CACNA1C: variants seen among roughly 807,000 people sequenced by gnomAD.
The protein encoded by CACNA1C is calcium voltage-gated channel subunit alpha1 C.
In CACNA1C, 30 loss-of-function variants were observed where a neutral mutation model predicts 229.0. The ratio of observed to expected loss-of-function variants is 0.13; its 90% CI spans 0.10 to 0.18. The LOEUF is 0.18. CACNA1C is among the 10% of genes least tolerant of loss of function. The probability of loss-of-function intolerance (pLI) is 1.00; values close to 1 mark genes in which losing one functional copy is unlikely to be tolerated. For synonymous variants in CACNA1C, 1,114 were observed against 1,132.5 expected, an observed-to-expected ratio of 0.98 and a Z score of 0.33; for missense variants, 1,658 against 2,845.0, an observed-to-expected ratio of 0.58 and a Z score of 9.49.
At chr12:2,431,661 A>G (rs769589218) in intron 3 of CACNA1C, among the ~76,000 whole-genome samples, 4 of 152,214 alleles carry the variant, frequency 2.6e-5, no homozygotes, top group Admixed American at 2.0e-4. Flanking sequence ...GATCATCTAC[A>G]TAAAACATTA....
chr12:2,638,670 C>T (rs577708932), intron 30 of CACNA1C, among the ~76,000 whole-genome samples: 28 of 152,130 alleles, frequency 1.8e-4, no homozygotes, highest in South Asian at 6.2e-4. Context: ...ATGGCCAGCC[C>T]GTCACTCTGT....
At chr12:2,372,950 G>A (rs960875221) in intron 3 of CACNA1C, among the ~76,000 whole-genome samples, 11 of 152,370 alleles carry the variant, frequency 7.2e-5, no homozygotes, top group African/African-American at 1.9e-4. Context: ...GTCCGGTGCC[G>A]AGAAGCTCCT....
At chr12:2,235,947 C>G (rs893653958) in intron 3 of CACNA1C, among the ~76,000 whole-genome samples, 1 of 152,188 alleles carries the variant, frequency 6.6e-6, no homozygotes, top group African/African-American at 2.4e-5. Flanking sequence ...CAGGACATCA[C>G]AGATAGGCAT....
At chr12:2,509,583 G>T (rs939601407) in intron 8 of CACNA1C, among the ~76,000 whole-genome samples, 2 of 152,160 alleles carry the variant, frequency 1.3e-5, no homozygotes, top group East Asian at 3.8e-4. Flanking sequence ...ACCGTAACTC[G>T]CACCTGCGTG....
intron 3 of CACNA1C, among the ~76,000 whole-genome samples, chr12:2,442,176 G>A (rs567509146): frequency 6.6e-6 from 1 of 152,158 alleles, no homozygotes; most frequent in African/African-American, 2.4e-5. Context: ...AGCTTATAAT[G>A]TAGTTGAAAA....
At chr12:2,042,299 G>T (rs911397261) in intron 1 of CACNA1C, among the ~76,000 whole-genome samples, 2 of 151,870 alleles carry the variant, frequency 1.3e-5, no homozygotes, top group Middle Eastern at 3.4e-3. Context: ...AACAAAAAGA[G>T]GCTTATAAAT....
intron 34 of CACNA1C, among the ~76,000 whole-genome samples, chr12:2,655,584 C>T (rs1308101566): frequency 6.6e-6 from 1 of 152,210 alleles, no homozygotes; most frequent in Non-Finnish European, 1.5e-5. Flanking sequence ...CTTCTCTGAA[C>T]CTCAGTTTTC....
At chr12:2,007,647 A>G (rs893169906) in intron 1 of CACNA1C, among the ~76,000 whole-genome samples, 10 of 152,236 alleles carry the variant, frequency 6.6e-5, no homozygotes, top group African/African-American at 2.4e-4. Context: ...TATGACCCTT[A>G]GTAGAGAAGA....
intron 3 of CACNA1C, among the ~76,000 whole-genome samples, chr12:2,390,809 G>A (rs534760946): frequency 4.6e-5 from 7 of 152,324 alleles, no homozygotes; most frequent in African/African-American, 1.7e-4. Flanking sequence ...ACCTTCTGGA[G>A]GCATCATTCA....
chr12:2,340,807 A>C (rs1025589550), intron 3 of CACNA1C, among the ~76,000 whole-genome samples: 1 of 151,006 alleles, frequency 6.6e-6, no homozygotes, highest in Non-Finnish European at 1.5e-5. Context: ...ATACAAAAAA[A>C]TTAGCCGGGC....
chr12:1,989,709 G>A (rs549759879), intron 1 of CACNA1C, among the ~76,000 whole-genome samples: 2 of 152,268 alleles, frequency 1.3e-5, no homozygotes, highest in South Asian at 2.1e-4. Context: ...GCAAGACTCC[G>A]TCTCAATTGA....
At chr12:2,141,886 T>C (rs1378984064) in intron 3 of CACNA1C, among the ~76,000 whole-genome samples, 1 of 151,254 alleles carries the variant, frequency 6.6e-6, no homozygotes, top group Non-Finnish European at 1.5e-5. Context: ...ACCAGCCCTG[T>C]GTAAGCCATA....
At chr12:2,636,648 G>A (rs2092749930) in intron 30 of CACNA1C, among the ~76,000 whole-genome samples, 1 of 152,116 alleles carries the variant, frequency 6.6e-6, no homozygotes, top group Non-Finnish European at 1.5e-5. Flanking sequence ...AGCCCTCCTG[G>A]GGCCAGCTCA....
chr12:2,384,968 C>T (rs1567372353), intron 3 of CACNA1C, among the ~76,000 whole-genome samples: 1 of 152,150 alleles, frequency 6.6e-6, no homozygotes, highest in Non-Finnish European at 1.5e-5. Context: ...GAGTGGTCAG[C>T]CTCAGGGAGG....
chr12:2,381,619 T>C (rs986286056), intron 3 of CACNA1C, among the ~76,000 whole-genome samples: 1 of 152,180 alleles, frequency 6.6e-6, no homozygotes, highest in Admixed American at 6.5e-5. Context: ...CCCAGGACAC[T>C]GTAGCAATCC....
rs1044417493 is a variant in CACNA1C at position 2,287,447 on chromosome 12, G to GAAC, written c.478-161529_478-161528insAAC. ...TGTTCCGTGGCTGTTTAGGAAGGTT[G>GAAC]GGTCAGTGGAGATCAGGGCCCGAAG... On this transcript the variant is annotated intron_variant, in intron 3 of 46. Coordinates refer to ENST00000399655, the MANE Select transcript of CACNA1C (RefSeq NM_000719.7). This position sits in a 1 kb window ranked among gnomAD's most constrained non-coding sequence, Gnocchi z 4.6. Among the ~76,000 whole-genome samples the GAAC allele has an allele frequency of 1.3e-5, 2 of 152,176 alleles. No homozygotes were observed. Among genetic ancestry groups the GAAC allele is most frequent in the Middle Eastern group, 3.2e-3 (1 of 316 alleles).
In CACNA1C at chr12:2,608,537, A is replaced by G; in HGVS notation, c.3383A>G (p.His1128Arg). ...CTGCTGTACCGCTCCATCGACTCCC[A>G]CACGGAAGACAAGGGCCCCATCTAC... ...PELLYRSIDS[H>R]TEDKGPIYNY... Residue 1128 changes from histidine (H) to arginine (R), a missense_variant, in exon 27 of 47, where the codon CAC becomes CGC. His to Arg is a conservative substitution (Grantham distance 29). Transcript: ENST00000399655. The surrounding 1 kb of genome is among the most constrained non-coding windows in gnomAD (Gnocchi z 4.2). The G allele has an allele frequency of 6.2e-7, 1 of 1,612,596 alleles. No individual in the cohort carries two copies. Among genetic ancestry groups the G allele is most frequent in the Non-Finnish European group, 8.5e-7 (1 of 1,179,282 alleles).
intron 1 of CACNA1C, among the ~76,000 whole-genome samples, chr12:2,076,407 A>G (rs1286370746): frequency 2.0e-5 from 3 of 152,098 alleles, no homozygotes; most frequent in East Asian, 1.9e-4. Flanking sequence ...TCGTACACAT[A>G]CAGCTCAGTG....
chr12:2,098,667 T>C (rs1342088567), intron 1 of CACNA1C, among the ~76,000 whole-genome samples: 1 of 152,212 alleles, frequency 6.6e-6, no homozygotes, highest in Non-Finnish European at 1.5e-5. Flanking sequence ...ATAGCGATTG[T>C]TTTTAAGAGT....
Sources: allele counts gnomAD v4.1 joint callset (sites outside exome capture counted in the v4.1 genomes callset), GRCh38; gene constraint gnomAD v4.1.1; non-coding constraint Gnocchi (gnomAD v3.1); transcripts MANE v1.5; gene names NCBI Gene and HGNC (gene_info 2026-07-23, HGNC 2026-07-21).